Variants in AGBL4 observed in about 807,000 individuals in gnomAD.
AGBL4 encodes the protein cytosolic carboxypeptidase 6.
A neutral mutation model predicts 66.4 loss-of-function variants in AGBL4; 58 were observed. That is an observed-to-expected ratio of 0.87 (90% CI 0.71 to 1.09). The LOEUF (loss-of-function observed/expected upper bound fraction) is 1.09, where lower values mean the gene tolerates loss of function less well. Among genes scored for constraint, AGBL4 ranks in the 50% least tolerant of loss-of-function variants. The pLI, the probability that AGBL4 is intolerant of heterozygous loss-of-function variation, is 0.00. For synonymous variants in AGBL4, 234 were observed against 222.9 expected (o/e 1.05, Z -0.44); for missense variants, 579 against 631.0 (o/e 0.92, Z 0.88).
At chr1:49,938,943 C>T (rs1300061416) in intron 1 of AGBL4, among the ~76,000 whole-genome samples, 2 of 151,958 alleles carry the variant, frequency 1.3e-5, no homozygotes, top group Non-Finnish European at 2.9e-5. Context: ...GATTGTATAT[C>T]TAGAAAACCC....
chr1:48,920,677 C>A (rs1654002459), intron 5 of AGBL4, among the ~76,000 whole-genome samples: 2 of 152,150 alleles, frequency 1.3e-5, no homozygotes, highest in Non-Finnish European at 2.9e-5. Flanking sequence ...GTCACGTAGA[C>A]CTGCCTGACT....
chr1:48,789,299 T>A lies in AGBL4; in HGVS notation c.634+77892A>T, dbSNP rs975501186. ...GTGGATATATATATATATATATTTT[T>A]TTTTTTTGAGACGGCATCTCGCTCT... is the stretch of plus-strand genomic sequence containing the variant. On this transcript the variant is annotated intron_variant, in intron 6 of 13. Transcript: ENST00000371839. 2.5e-4 allele frequency among the ~76,000 whole-genome samples: 37 copies of A among 150,850 alleles called. 2 individuals are homozygous for A. The highest frequency in any genetic ancestry group is 2.3e-3 in the South Asian group (11 of 4,774).
chr1:48,793,321 A>C (rs998100454), intron 6 of AGBL4, among the ~76,000 whole-genome samples: 2 of 152,214 alleles, frequency 1.3e-5, no homozygotes, highest in African/African-American at 4.8e-5. Context: ...GCCTCAGTTT[A>C]ACATTTAGCC....
chr1:49,278,710 T>C (rs55793283), intron 3 of AGBL4, among the ~76,000 whole-genome samples: 43 of 152,090 alleles, frequency 2.8e-4, no homozygotes, highest in Middle Eastern at 3.4e-3. Flanking sequence ...GCGTCAGGGA[T>C]AGAGCCAAGA....
At position 49,640,137 on chromosome 1, in the gene AGBL4, T is replaced by G. The variant is rs535292383; in HGVS notation, c.282+57176A>C. 1.1e-4 allele frequency among the ~76,000 whole-genome samples: 17 copies of G among 152,208 alleles called. 1 individual carries two copies. In the South Asian group the frequency reaches 3.1e-3, roughly 28 times the overall value. ...CTCAGAAGCACACATAAAAATTTAGTCATTTGTTTCAACCTCCAACAAAAT... is the reference window on the plus strand; with the variant it reads ...CTCAGAAGCACACATAAAAATTTAGGCATTTGTTTCAACCTCCAACAAAAT... On this transcript the variant is annotated intron_variant, in intron 3 of 13. Transcript: ENST00000371839.
At chr1:48,831,419 G>A (rs1487115836) in intron 6 of AGBL4, among the ~76,000 whole-genome samples, 1 of 152,188 alleles carries the variant, frequency 6.6e-6, no homozygotes, top group African/African-American at 2.4e-5. Context: ...TCAGATGCAA[G>A]TTAATCCTAC....
At chr1:49,372,181 A>C (rs996130504) in intron 3 of AGBL4, among the ~76,000 whole-genome samples, 2 of 152,182 alleles carry the variant, frequency 1.3e-5, no homozygotes, top group Non-Finnish European at 2.9e-5. Flanking sequence ...TTGAGCATGC[A>C]GTATGCATCC....
chr1:49,996,448 AC>A (rs1448872158), intron 1 of AGBL4, among the ~76,000 whole-genome samples: 1 of 152,186 alleles, frequency 6.6e-6, no homozygotes, highest in Non-Finnish European at 1.5e-5. Flanking sequence ...ATAGAATCAA[AC>A]AAGTAGAAGA....
intron 5 of AGBL4, among the ~76,000 whole-genome samples, chr1:48,881,189 A>G (rs544626139): frequency 1.3e-5 from 2 of 152,250 alleles, no homozygotes; most frequent in East Asian, 3.9e-4. Context: ...ACTCCAGTTT[A>G]CACTTCCATG....
chr1:49,654,322 C>T (rs905235158), intron 3 of AGBL4, among the ~76,000 whole-genome samples: 2 of 152,144 alleles, frequency 1.3e-5, no homozygotes, highest in Non-Finnish European at 2.9e-5. Context: ...TTTACATTTG[C>T]TGAGGAGTGC....
At chr1:49,498,509 A>G (rs1160181470) in intron 3 of AGBL4, among the ~76,000 whole-genome samples, 1 of 151,756 alleles carries the variant, frequency 6.6e-6, no homozygotes, top group Admixed American at 6.6e-5. Flanking sequence ...TTACAGAATT[A>G]TCTTTTTAAA....
intron 6 of AGBL4, chr1:48,776,838 C>T (rs953433587): frequency 2.7e-6 from 4 of 1,493,900 alleles, no homozygotes; most frequent in African/African-American, 2.9e-5. Flanking sequence ...ACATGGTGGG[C>T]GCCGGGGGCG....
chr1:50,023,622 CT>C (rs1484584069), intron 1 of AGBL4, 140 bp downstream of exon 1: 3 of 1,067,080 alleles, frequency 2.8e-6, no homozygotes, highest in Non-Finnish European at 3.8e-6. Flanking sequence ...CCCTTGACCC[CT>C]GACCCTGAAG....
At chr1:49,448,717 G>T (rs371819092) in intron 3 of AGBL4, among the ~76,000 whole-genome samples, 4 of 152,160 alleles carry the variant, frequency 2.6e-5, no homozygotes, top group East Asian at 3.9e-4. Flanking sequence ...TAGATGTCCT[G>T]TATAAATGGT....
chr1:48,699,125 T>C (rs952112175), intron 6 of AGBL4, among the ~76,000 whole-genome samples: 2 of 152,156 alleles, frequency 1.3e-5, no homozygotes, highest in Admixed American at 6.5e-5. Flanking sequence ...TGTCCCAGCA[T>C]GTGGGGCTCA....
At chr1:49,630,578 C>T (rs1645551168) in intron 3 of AGBL4, among the ~76,000 whole-genome samples, 2 of 152,150 alleles carry the variant, frequency 1.3e-5, no homozygotes, top group African/African-American at 2.4e-5. Flanking sequence ...AGAAAGTACA[C>T]CCAAGTAAAT....
intron 3 of AGBL4, among the ~76,000 whole-genome samples, chr1:49,466,079 A>G (rs1646624729): frequency 6.6e-6 from 1 of 151,854 alleles, no homozygotes; most frequent in Non-Finnish European, 1.5e-5. Flanking sequence ...CCAGGTTCAT[A>G]TATATCTGAA....
intron 3 of AGBL4, among the ~76,000 whole-genome samples, chr1:49,415,007 G>C (rs1645396739): frequency 6.6e-6 from 1 of 152,076 alleles, no homozygotes. Context: ...TTTTAGATGA[G>C]GAACCTGAGG....
chr1:49,747,281 A>C (rs1411663435), intron 2 of AGBL4, among the ~76,000 whole-genome samples: 1 of 152,186 alleles, frequency 6.6e-6, no homozygotes, highest in Non-Finnish European at 1.5e-5. Flanking sequence ...TTGTTGACTC[A>C]GCTTTGCAAG....
Sources: allele counts gnomAD v4.1 joint callset (sites outside exome capture counted in the v4.1 genomes callset), GRCh38; gene constraint gnomAD v4.1.1; transcripts MANE v1.5; gene names NCBI Gene and HGNC (gene_info 2026-07-23, HGNC 2026-07-21).